FBLN1: variants seen among roughly 807,000 people sequenced by gnomAD.
FBLN1 encodes fibulin-1.
Under a neutral mutation model 89.7 loss-of-function variants are expected in FBLN1, and 34 were observed. That is an observed-to-expected ratio of 0.38 (90% CI 0.29 to 0.50). The LOEUF (loss-of-function observed/expected upper bound fraction) is 0.50. Among genes scored for constraint, FBLN1 ranks in the 20% least tolerant of loss-of-function variants. The pLI is 0.92. For missense variants in FBLN1, 777 were observed against 988.1 expected (o/e 0.79, Z 2.86); for synonymous variants, 393 against 391.3 (o/e 1.00, Z -0.05).
intron 1 of FBLN1, among the ~76,000 whole-genome samples, chr22:45,505,756 ATAT>A (rs56256438): frequency 2.6e-5 from 4 of 151,994 alleles, no homozygotes; most frequent in Admixed American, 6.5e-5. Flanking sequence ...CATGGCAGCT[ATAT>A]TATTATTATT....
chr22:45,564,990 T>A, intron 14 of FBLN1: 1 of 1,613,822 alleles, frequency 6.2e-7, no homozygotes, highest in Non-Finnish European at 8.5e-7. Context: ...CCTTGATGCC[T>A]AGTGAGGAAG....
In FBLN1 at chr22:45,517,711, C is replaced by T. The variant is rs542486354; in HGVS notation, c.80-971C>T. 7.2e-5 allele frequency: 32 copies of T among 446,532 alleles called. No homozygotes were observed. The East Asian group carries it at 2.3e-3, about 32-fold the overall frequency. 27.7% of individuals were successfully genotyped at this position (446,532 alleles called of 1,614,324 possible). A position where few individuals can be genotyped will look rare whatever the true frequency, so the allele number is the denominator to read the frequency against. ...AGGGGATCTTGTGGTAAGTCAAGGG[C>T]AGAAACCATCACCAGCCTCGGTTTC... On this transcript the variant is annotated intron_variant, in intron 1 of 16. Transcript: ENST00000327858.
chr22:45,598,412 CAT>C (rs1342216651), intron 16 of FBLN1, among the ~76,000 whole-genome samples: 15 of 152,252 alleles, frequency 9.9e-5, no homozygotes, highest in Admixed American at 2.0e-4. Context: ...ACTGTCAGAA[CAT>C]GTGGAACGGA....
intron 2 of FBLN1, among the ~76,000 whole-genome samples, chr22:45,519,313 G>A (rs193189839): frequency 3.5e-4 from 54 of 152,202 alleles, no homozygotes; most frequent in African/African-American, 1.2e-3. Context: ...TTCTGAGACC[G>A]TGTAAGCTTA....
At position 45,574,740 on chromosome 22, in the gene FBLN1, T is replaced by C; in HGVS notation, c.1840+87T>C. 10 of 1,160,940 alleles carry C rather than the reference T, an allele frequency of 8.6e-6. No homozygotes were observed. The South Asian group carries it at 1.0e-4, about 12-fold the overall frequency. The allele number at this position is 1,160,940 out of a possible 1,614,324, so 71.9% of individuals were successfully genotyped here. A position where few individuals can be genotyped will look rare whatever the true frequency, so the allele number is the denominator to read the frequency against. On this transcript the variant is annotated intron_variant, in intron 15 of 16. Transcript: ENST00000327858. This position sits in a 1 kb window ranked among gnomAD's most constrained non-coding sequence, Gnocchi z 4.1. ...GGCTTGGCCTACAGGAGTTGTTCCT[T>C]GTAAGATGTGGCCCAGGCTTTGAAA...
chr22:45,514,669 G>C (rs980003277), intron 1 of FBLN1, among the ~76,000 whole-genome samples: 1 of 152,202 alleles, frequency 6.6e-6, no homozygotes, highest in African/African-American at 2.4e-5. Context: ...TGTCAAGAGT[G>C]GTCTTGCAGA....
chr22:45,586,386 G>A (rs908653104), intron 16 of FBLN1, among the ~76,000 whole-genome samples: 1 of 152,200 alleles, frequency 6.6e-6, no homozygotes, highest in African/African-American at 2.4e-5. Context: ...CCAGGGGTCG[G>A]CTACACCCCT....
chr22:45,544,586 GAGGTCAGCGCCTGT>G (rs893774687), intron 11 of FBLN1, among the ~76,000 whole-genome samples: 59 of 152,342 alleles, frequency 3.9e-4, no homozygotes, highest in African/African-American at 1.3e-3. Context: ...AAGGAACATG[GAGGTCAGCGCCTGT>G]AGTCAGGTTT....
In FBLN1 at chr22:45,545,063, T is replaced by G. The variant is rs1185979489; in HGVS notation, c.1321+1537T>G. Reference sequence around the variant, plus strand: ...GTCCTAACATTTTGCCATGAGAATTTTCCTTCCTGATGAGATGGTCGCAGG... The same window carrying G: ...GTCCTAACATTTTGCCATGAGAATTGTCCTTCCTGATGAGATGGTCGCAGG... On this transcript the variant is annotated intron_variant, in intron 11 of 16. Transcript: ENST00000327858. The surrounding 1 kb of genome is among the most constrained non-coding windows in gnomAD (Gnocchi z 5.9). 6.6e-6 allele frequency among the ~76,000 whole-genome samples: 1 copy of G among 152,190 alleles called. No homozygotes were observed. Among genetic ancestry groups the G allele is most frequent in the East Asian group, 1.9e-4 (1 of 5,192 alleles).
chr22:45,518,894 C>A, intron 2 of FBLN1, 107 bp downstream of exon 2: 1 of 1,030,252 alleles, frequency 9.7e-7, no homozygotes, highest in Non-Finnish European at 1.5e-6. Flanking sequence ...GCTGGACACC[C>A]AGGCCCGGAT....
chr22:45,514,283 T>C (rs2088140439), intron 1 of FBLN1, among the ~76,000 whole-genome samples: 1 of 152,174 alleles, frequency 6.6e-6, no homozygotes. Flanking sequence ...CACCTTTTCT[T>C]GTGTGGGCTA....
In FBLN1 at chr22:45,536,721, C is replaced by T. The variant is rs761438464; in HGVS notation, c.922+1384C>T. On this transcript the variant is annotated intron_variant, in intron 8 of 16. Coordinates refer to ENST00000327858, the MANE Select transcript of FBLN1 (RefSeq NM_006486.3). This position sits in a 1 kb window ranked among gnomAD's most constrained non-coding sequence, Gnocchi z 5.1. ...CAGAGGTTGCAGTGAGCTGAGATCA[C>T]GCCACTGTACTCCAGCCTGGGTGAC... Among the ~76,000 whole-genome samples the T allele has an allele frequency of 2.0e-5, 3 of 151,550 alleles. No homozygotes were observed. The highest frequency in any genetic ancestry group is 2.1e-4 in the South Asian group (1 of 4,812).
At position 45,563,185 on chromosome 22, in the gene FBLN1, C is replaced by T. The variant is rs370127098; in HGVS notation, c.1698-11326C>T. On this transcript the variant is annotated intron_variant, in intron 14 of 16. Coordinates refer to ENST00000327858, the MANE Select transcript of FBLN1 (RefSeq NM_006486.3). The surrounding 1 kb of genome is among the most constrained non-coding windows in gnomAD (Gnocchi z 5.7). ...CCGAGCCCAGGGACTTGCTCCTGACCGTCAAGATGGATCTCTCTCGCCACG... is the reference window on the plus strand; with the variant it reads ...CCGAGCCCAGGGACTTGCTCCTGACTGTCAAGATGGATCTCTCTCGCCACG... 2.1e-4 allele frequency: 334 copies of T among 1,613,634 alleles called. 1 individual carries two copies. The highest frequency in any genetic ancestry group is 2.6e-4 in the Non-Finnish European group (311 of 1,180,040).
At chr22:45,598,694 T>C (rs2089206559) in intron 16 of FBLN1, among the ~76,000 whole-genome samples, 1 of 152,320 alleles carries the variant, frequency 6.6e-6, no homozygotes, top group Non-Finnish European at 1.5e-5. Context: ...CTGTTCATGA[T>C]GTCTGGAACC....
At chr22:45,519,058 C>T (rs1275538797) in intron 2 of FBLN1, among the ~76,000 whole-genome samples, 1 of 151,994 alleles carries the variant, frequency 6.6e-6, no homozygotes, top group Non-Finnish European at 1.5e-5. Flanking sequence ...TCTGGGCTTG[C>T]AGCTGTGGGC....
Position 45,578,590 on chromosome 22 carries a change from C to T in FBLN1, c.1972+1482C>T, listed in dbSNP as rs2089017695. Among the ~76,000 whole-genome samples the T allele has an allele frequency of 6.6e-6, 1 of 152,090 alleles. No individual in the cohort carries two copies. The highest frequency in any genetic ancestry group is 6.5e-5 in the Admixed American group (1 of 15,276). Reference sequence around the variant, plus strand: ...AGACAGCCTTGAGGGTCCTTCAGGCCCCTGTGCAGGAGGGCAGGCAGGGAG... The same window carrying T: ...AGACAGCCTTGAGGGTCCTTCAGGCTCCTGTGCAGGAGGGCAGGCAGGGAG... On this transcript the variant is annotated intron_variant, in intron 16 of 16. Transcript: ENST00000327858. This position sits in a 1 kb window ranked among gnomAD's most constrained non-coding sequence, Gnocchi z 4.6.
chr22:45,506,106 T>A (rs187348716), intron 1 of FBLN1, among the ~76,000 whole-genome samples: 30 of 152,294 alleles, frequency 2.0e-4, no homozygotes, highest in African/African-American at 6.7e-4. Context: ...ATTCCTGTTG[T>A]CCCCTTCTCT....
intron 12 of FBLN1, 88 bp from the exon 13 acceptor site, chr22:45,548,525 C>T: frequency 6.4e-7 from 1 of 1,573,548 alleles, no homozygotes; most frequent in South Asian, 1.1e-5. Flanking sequence ...TCCCGGGCCC[C>T]AGTGCAGCCC....
rs1401462202 is a variant in FBLN1, at chr22:45,588,397, G to C, written c.1972+11289G>C. ...GGAAACACCAGGAGTTGTGGCATTG[G>C]GAGTTTCTTCGCTTGACTTTCAATT... On this transcript the variant is annotated intron_variant, in intron 16 of 16. Transcript: ENST00000327858. The surrounding 1 kb of genome is among the most constrained non-coding windows in gnomAD (Gnocchi z 5.1). Among the ~76,000 whole-genome samples, 1 of 152,190 alleles carries C rather than the reference G, an allele frequency of 6.6e-6. No individual in the cohort carries two copies. Among genetic ancestry groups the C allele is most frequent in the Non-Finnish European group, 1.5e-5 (1 of 68,022 alleles).
Sources: gnomAD v4.1 joint callset for allele counts (sites outside exome capture counted in the v4.1 genomes callset) on GRCh38, gnomAD v4.1.1 for gene constraint, Gnocchi (gnomAD v3.1) non-coding constraint, MANE v1.5 for transcripts, NCBI Gene and HGNC (gene_info 2026-07-23, HGNC 2026-07-21) for gene names.